The following XYLB variants were observed in gnomAD, a reference collection of about 807,000 sequenced individuals.
XYLB encodes xylulose kinase.
Under a neutral mutation model 78.7 loss-of-function variants are expected in XYLB, and 62 were observed. The observed-to-expected ratio is 0.79, with a 90% CI of 0.64 to 0.97. The LOEUF is 0.97. XYLB is among the 50% of genes least tolerant of loss of function. XYLB has a pLI of 0.00. For synonymous variants in XYLB, 245 were observed against 247.4 expected (o/e 0.99, Z 0.09); for missense variants, 687 against 676.8 (o/e 1.02, Z -0.17).
chr3:38,405,371 T>TAA (rs1192762406), intron 18 of XYLB, among the ~76,000 whole-genome samples: 56 of 94,548 alleles, frequency 5.9e-4, no homozygotes, highest in South Asian at 2.7e-3. Flanking sequence ...CTCATCTCTT[T>TAA]AAAAAAAAAA....
chr3:38,401,930 G>A lies in XYLB; in HGVS notation c.1533+945G>A, dbSNP rs574367452. 3.9e-5 allele frequency among the ~76,000 whole-genome samples: 6 copies of A among 152,264 alleles called. No individual in the cohort carries two copies. In the South Asian group the frequency reaches 1.2e-3, roughly 32 times the overall value. Reference sequence around the variant, plus strand: ...GAAGGGTCTGAGATTTACCTGACTTGCAAGCTAACAAGTGAGCCTGCCACC... The same window carrying A: ...GAAGGGTCTGAGATTTACCTGACTTACAAGCTAACAAGTGAGCCTGCCACC... On this transcript the variant is annotated intron_variant, in intron 18 of 18. Coordinates refer to ENST00000207870, the MANE Select transcript of XYLB (RefSeq NM_005108.4).
At chr3:38,386,265 A>G (rs1707380248) in intron 15 of XYLB, among the ~76,000 whole-genome samples, 3 of 149,476 alleles carry the variant, frequency 2.0e-5, no homozygotes. Context: ...AATCTGCCCC[A>G]CTCTGGTTAT....
rs1466148766 is a variant in XYLB, at chr3:38,375,207, G to T, written c.952G>T (p.Gly318Cys). The T allele has an allele frequency of 1.2e-6, 2 of 1,614,210 alleles. No individual in the cohort carries two copies. The highest frequency in any genetic ancestry group is 1.7e-6 in the Non-Finnish European group (2 of 1,180,026). ...CCAAGAGCCCATGCCTGCCCTGGAA[G>T]GCCACATCTTCTGCAACCCGGTTGA... ...WLQEPMPALE[G>C]HIFCNPVDSQ... The change falls in exon 12 of 19, where the codon GGC (glycine) becomes TGC (cysteine). Residue 318 changes from glycine to cysteine, a missense_variant. Coordinates refer to ENST00000207870, the MANE Select transcript of XYLB (RefSeq NM_005108.4).
At chr3:38,407,330 T>G (rs1318424488) in intron 18 of XYLB, among the ~76,000 whole-genome samples, 1 of 151,358 alleles carries the variant, frequency 6.6e-6, no homozygotes, top group Admixed American at 6.6e-5. Flanking sequence ...GACAAGCAAA[T>G]GCTGAGAGAT....
rs571072960 is a variant in XYLB, at chr3:38,374,559, T to C, written c.888+57T>C. 5.0e-5 allele frequency: 80 copies of C among 1,610,960 alleles called. No individual in the cohort carries two copies. In the African/African-American group the frequency reaches 1.0e-3, roughly 20 times the overall value. On this transcript the variant is annotated intron_variant, in intron 11 of 18. Coordinates refer to ENST00000207870, the MANE Select transcript of XYLB (RefSeq NM_005108.4). Reference sequence around the variant, plus strand: ...TCTGTTTCCACACTCACACCCACACTCTGATAAGTAGCAGAGGTGCTGCTG... The same window carrying C: ...TCTGTTTCCACACTCACACCCACACCCTGATAAGTAGCAGAGGTGCTGCTG...
At chr3:38,368,809 G>A (rs1706393283) in intron 8 of XYLB, among the ~76,000 whole-genome samples, 1 of 151,556 alleles carries the variant, frequency 6.6e-6, no homozygotes, top group Non-Finnish European at 1.5e-5. Flanking sequence ...TAATGTTGGG[G>A]AGAACCTCAC....
At chr3:38,405,371 TAA>T (rs1192762406) in intron 18 of XYLB, among the ~76,000 whole-genome samples, 20 of 94,646 alleles carry the variant, frequency 2.1e-4, no homozygotes, top group Admixed American at 3.5e-4. Context: ...CTCATCTCTT[TAA>T]AAAAAAAAAA....
chr3:38,358,312 TGTG>T (rs1559575592), intron 2 of XYLB, among the ~76,000 whole-genome samples: 610 of 21,894 alleles, frequency 0.028, 11 homozygotes, highest in African/African-American at 0.078. Flanking sequence ...TTTTGTTTTG[TGTG>T]TGTGTGTGTG....
chr3:38,413,111 T>C lies in XYLB; in HGVS notation c.*98T>C. The C allele has an allele frequency of 8.1e-7, 1 of 1,229,946 alleles. No individual in the cohort carries two copies. Among genetic ancestry groups the C allele is most frequent in the Non-Finnish European group, 1.1e-6 (1 of 898,122 alleles). The allele number at this position is 1,229,946 out of a possible 1,614,324, so 76.2% of individuals were successfully genotyped here. The stretch of plus-strand genomic sequence containing the variant: ...GATCCACTTCTCTGTTCTGAACAGC[T>C]CTTCCTGCCCCTACTGACTCCTTGG... On this transcript the variant is annotated 3_prime_UTR_variant, in exon 19 of 19. Coordinates refer to ENST00000207870, the MANE Select transcript of XYLB (RefSeq NM_005108.4).
intron 15 of XYLB, among the ~76,000 whole-genome samples, chr3:38,391,296 C>G (rs979302418): frequency 6.6e-6 from 1 of 152,160 alleles, no homozygotes; most frequent in Non-Finnish European, 1.5e-5. Flanking sequence ...TCCTCTTCCA[C>G]TGTATCCTCA....
At chr3:38,351,219 G>C (rs907334276) in intron 2 of XYLB, among the ~76,000 whole-genome samples, 3 of 106,136 alleles carry the variant, frequency 2.8e-5, no homozygotes, top group African/African-American at 9.5e-5. Flanking sequence ...GAAGTGTGTT[G>C]TTTAATCTCC....
At chr3:38,374,687 G>T (rs1001603244) in intron 11 of XYLB, among the ~76,000 whole-genome samples, 185 bp downstream of exon 11, 5 of 152,104 alleles carry the variant, frequency 3.3e-5, no homozygotes, top group African/African-American at 1.2e-4. Context: ...GGGGATGGGG[G>T]CGCACATCTT....
intron 18 of XYLB, among the ~76,000 whole-genome samples, chr3:38,403,555 T>A (rs763716024): frequency 3.4e-4 from 51 of 151,680 alleles, no homozygotes; most frequent in Non-Finnish European, 5.0e-4. Flanking sequence ...GGGCAGAGAG[T>A]CTCTCCTCAC....
chr3:38,393,785 G>A (rs896459447), intron 15 of XYLB, among the ~76,000 whole-genome samples: 1 of 151,798 alleles, frequency 6.6e-6, no homozygotes, highest in Non-Finnish European at 1.5e-5. Context: ...ACTGGATTAG[G>A]GCCCACCCCT....
At chr3:38,439,906 A>G in the XYLB span, among the ~76,000 whole-genome samples, 11 of 152,334 alleles carry the variant, frequency 7.2e-5, no homozygotes, top group Middle Eastern at 6.8e-3. Context: ...CTCCTTTCTC[A>G]GCAGTGAGGA....
At chr3:38,433,067 A>G in the XYLB span, among the ~76,000 whole-genome samples, 1 of 152,236 alleles carries the variant, frequency 6.6e-6, no homozygotes, top group African/African-American at 2.4e-5. Flanking sequence ...CTGCCTGGAC[A>G]TCCATGCATT....
chr3:38,398,521 A>G (rs1173844308), intron 17 of XYLB, among the ~76,000 whole-genome samples: 3 of 151,858 alleles, frequency 2.0e-5, no homozygotes, highest in Non-Finnish European at 4.4e-5. Flanking sequence ...TCCCCACCCC[A>G]TCTACCTCAC....
chr3:38,396,496 C>T (rs938373224), intron 16 of XYLB, among the ~76,000 whole-genome samples: 3 of 152,172 alleles, frequency 2.0e-5, no homozygotes, highest in African/African-American at 7.2e-5. Flanking sequence ...AGCCAGTACT[C>T]ACAGCAGCTG....
chr3:38,365,238 G>T lies in XYLB; in HGVS notation c.331G>T (p.Ala111Ser), dbSNP rs370702086. The change falls in exon 5 of 19, where the codon GCA becomes TCA. Residue 111 changes from alanine to serine, a missense_variant. Coordinates refer to ENST00000207870, the MANE Select transcript of XYLB (RefSeq NM_005108.4). Reference sequence around the variant, plus strand: ...ATACTGGAAGGCTGGAGCCCAGCAGGCACTGACAAGCTTATCACCAGACCT... The same window carrying T: ...ATACTGGAAGGCTGGAGCCCAGCAGTCACTGACAAGCTTATCACCAGACCT... ...SIYWKAGAQQ[A>S]LTSLSPDLRL... is the part of the protein sequence containing the mutation. 2 of 1,614,118 alleles carry T rather than the reference G, an allele frequency of 1.2e-6. No homozygotes were observed. The highest frequency in any genetic ancestry group is 2.7e-5 in the African/African-American group (2 of 74,940).
Sources: gnomAD v4.1 joint callset for allele counts (sites outside exome capture counted in the v4.1 genomes callset) on GRCh38, gnomAD v4.1.1 for gene constraint, MANE v1.5 for transcripts, NCBI Gene and HGNC (gene_info 2026-07-23, HGNC 2026-07-21) for gene names.